Variants in SLC39A11 observed in about 807,000 individuals in gnomAD.
The protein encoded by SLC39A11 is zinc transporter ZIP11.
SLC39A11 carries 33 observed loss-of-function variants against 36.1 expected under a neutral mutation model. The ratio of observed to expected loss-of-function variants is 0.91; its 90% confidence interval spans 0.69 to 1.22. The LOEUF (loss-of-function observed/expected upper bound fraction) is 1.22, where lower values mean the gene tolerates loss of function less well. Ranked by LOEUF, SLC39A11 falls within the 50% of genes most tolerant of loss-of-function variation. The probability of loss-of-function intolerance (pLI) is 0.00; values close to 1 mark genes in which losing one functional copy is unlikely to be tolerated. For synonymous variants in SLC39A11, 166 were observed against 170.3 expected (o/e 0.97, Z 0.20); for missense variants, 432 against 430.3 (o/e 1.00, Z -0.03).
chr17:72,897,103 G>T (rs559649006), intron 5 of SLC39A11, among the ~76,000 whole-genome samples: 2 of 149,856 alleles, frequency 1.3e-5, no homozygotes, highest in African/African-American at 2.5e-5. Flanking sequence ...CCTCAAGGGT[G>T]AGTGAGAGCA....
At chr17:73,047,521 C>T (rs1232771156) in intron 3 of SLC39A11, among the ~76,000 whole-genome samples, 1 of 152,062 alleles carries the variant, frequency 6.6e-6, no homozygotes, top group African/African-American at 2.4e-5. Flanking sequence ...CTTAATCCTC[C>T]TAACACTAAG....
intron 6 of SLC39A11, among the ~76,000 whole-genome samples, chr17:72,830,540 G>A (rs2078235483): frequency 6.6e-6 from 1 of 152,130 alleles, no homozygotes; most frequent in South Asian, 2.1e-4. Context: ...ACAAAAACAA[G>A]GGAATTTGTG....
In SLC39A11 at chr17:72,765,982, G is replaced by A. The variant is rs75200377; in HGVS notation, c.602-29263C>T. 9.4e-3 allele frequency among the ~76,000 whole-genome samples: 1,432 copies of A among 152,298 alleles called. 24 individuals carry two copies. The highest frequency in any genetic ancestry group is 0.028 in the African/African-American group (1,178 of 41,572). Reference sequence around the variant, plus strand: ...GGCGGATAGAGCTGGGGCAGGAATCGCTGAGCTGCTAGCAGCTCCTGTTGG... The same window carrying A: ...GGCGGATAGAGCTGGGGCAGGAATCACTGAGCTGCTAGCAGCTCCTGTTGG... On this transcript the variant is annotated intron_variant, in intron 6 of 9. Transcript: ENST00000255559.
intron 5 of SLC39A11, among the ~76,000 whole-genome samples, chr17:72,941,157 C>T (rs1344325788): frequency 6.6e-6 from 1 of 152,162 alleles, no homozygotes; most frequent in African/African-American, 2.4e-5. Flanking sequence ...CCTGTAGTCC[C>T]AGCTACTCCG....
intron 6 of SLC39A11, among the ~76,000 whole-genome samples, chr17:72,841,012 G>A (rs1468213379): frequency 7.9e-5 from 12 of 152,080 alleles, no homozygotes; most frequent in South Asian, 2.1e-4. Context: ...CTGAGATGGC[G>A]CCACTGCACT....
At chr17:72,914,585 T>C (rs1316254915) in intron 5 of SLC39A11, among the ~76,000 whole-genome samples, 1 of 151,986 alleles carries the variant, frequency 6.6e-6, no homozygotes, top group African/African-American at 2.4e-5. Context: ...GACAGTTGTA[T>C]AAAACGTTGA....
intron 6 of SLC39A11, among the ~76,000 whole-genome samples, chr17:72,832,368 A>G (rs780657560): frequency 6.6e-6 from 1 of 152,206 alleles, no homozygotes; most frequent in Non-Finnish European, 1.5e-5. Flanking sequence ...ACCCCCTCGA[A>G]TATTCTGTGG....
At chr17:72,992,448 C>A (rs1264078365) in intron 4 of SLC39A11, among the ~76,000 whole-genome samples, 1 of 152,174 alleles carries the variant, frequency 6.6e-6, no homozygotes. Flanking sequence ...TTTATTGGTT[C>A]TTTAGGGCTC....
intron 5 of SLC39A11, among the ~76,000 whole-genome samples, chr17:72,914,052 C>T (rs1047186812): frequency 2.6e-5 from 4 of 150,944 alleles, no homozygotes; most frequent in Non-Finnish European, 4.4e-5. Context: ...TGGTGACTCA[C>T]GCCTGTAATC....
intron 7 of SLC39A11, among the ~76,000 whole-genome samples, chr17:72,727,545 G>A (rs371917009): frequency 2.0e-4 from 31 of 151,946 alleles, no homozygotes; most frequent in African/African-American, 6.8e-4. Flanking sequence ...CCAGCTACTC[G>A]GGAGGCAGAG....
chr17:73,000,799 A>G (rs1038130729), intron 4 of SLC39A11, among the ~76,000 whole-genome samples: 1 of 152,226 alleles, frequency 6.6e-6, no homozygotes, highest in East Asian at 1.9e-4. Context: ...CAAGATATTA[A>G]GGCTGAGGCT....
chr17:72,793,938 C>T (rs1052186577), intron 6 of SLC39A11, among the ~76,000 whole-genome samples: 3 of 151,404 alleles, frequency 2.0e-5, no homozygotes, highest in African/African-American at 7.4e-5. Flanking sequence ...GCTGATACCA[C>T]ACCGGCCAGT....
chr17:72,945,719 C>T (rs2085391026), intron 5 of SLC39A11, among the ~76,000 whole-genome samples: 1 of 152,126 alleles, frequency 6.6e-6, no homozygotes, highest in South Asian at 2.1e-4. Flanking sequence ...GTTACATCTC[C>T]CTCCCACACA....
rs186728861 is a variant in SLC39A11 at position 73,080,226 on chromosome 17, A to G, written c.147+4582T>C. 9.2e-5 allele frequency among the ~76,000 whole-genome samples: 14 copies of G among 152,312 alleles called. 1 individual carries two copies. The highest frequency in any genetic ancestry group is 9.2e-4 in the Admixed American group (14 of 15,292). ...AAATCTGGAGGCATCACACTACCCA[A>G]CTTGAAACTATACTTTAAGACTACA... is the stretch of plus-strand genomic sequence containing the variant. On this transcript the variant is annotated intron_variant, in intron 3 of 9. Transcript: ENST00000255559.
chr17:72,997,505 G>C (rs146883254), intron 4 of SLC39A11, among the ~76,000 whole-genome samples: 3 of 151,950 alleles, frequency 2.0e-5, no homozygotes, highest in African/African-American at 7.3e-5. Flanking sequence ...CTCCTGCCTC[G>C]GCCTCCCAAA....
chr17:73,060,204 C>T (rs2059796710), intron 3 of SLC39A11, among the ~76,000 whole-genome samples: 1 of 81,292 alleles, frequency 1.2e-5, no homozygotes, highest in African/African-American at 4.7e-5. Flanking sequence ...GAATGAAACT[C>T]CATCTCAAAA....
intron 7 of SLC39A11, among the ~76,000 whole-genome samples, chr17:72,652,405 C>T (rs1412952387): frequency 2.0e-5 from 3 of 152,180 alleles, no homozygotes; most frequent in Admixed American, 6.6e-5. Context: ...TGCTACTTTC[C>T]ATTTCTCCAA....
chr17:72,851,767 A>G (rs1304549949), intron 5 of SLC39A11, among the ~76,000 whole-genome samples: 1 of 152,168 alleles, frequency 6.6e-6, no homozygotes, highest in Non-Finnish European at 1.5e-5. Context: ...CAATTAAGCT[A>G]TTTCTATACT....
At chr17:72,747,592 G>A (rs1265248636) in intron 6 of SLC39A11, among the ~76,000 whole-genome samples, 4 of 152,204 alleles carry the variant, frequency 2.6e-5, no homozygotes, top group Non-Finnish European at 5.9e-5. Flanking sequence ...AGTCTATCAG[G>A]AGAGCCGACT....
Sources: gnomAD v4.1 joint callset for allele counts (sites outside exome capture counted in the v4.1 genomes callset) on GRCh38, gnomAD v4.1.1 for gene constraint, MANE v1.5 for transcripts, NCBI Gene and HGNC (gene_info 2026-07-23, HGNC 2026-07-21) for gene names.